CFAP43: variants seen among roughly 807,000 people sequenced by gnomAD.
CFAP43 encodes the protein cilia and flagella associated protein 43, also known as cilia- and flagella-associated protein 43.
CFAP43 carries 155 observed loss-of-function variants against 218.9 expected under a neutral mutation model. The observed-to-expected ratio is 0.71, with a 90% CI of 0.62 to 0.81. The LOEUF is 0.81. Among genes scored for constraint, CFAP43 ranks in the 30% least tolerant of loss-of-function variants. CFAP43 has a pLI of 0.00. For missense variants in CFAP43, 1,778 were observed against 1,954.3 expected (o/e 0.91, Z 1.70); for synonymous variants, 645 against 681.3 (o/e 0.95, Z 0.83).
Position 104,207,655 on chromosome 10 carries a change from A to G in CFAP43, c.895+10T>C. The G allele has an allele frequency of 6.2e-7, 1 of 1,609,090 alleles. No homozygotes were observed. Among genetic ancestry groups the G allele is most frequent in the South Asian group, 1.1e-5 (1 of 90,168 alleles). On this transcript the variant is annotated intron_variant, in intron 6 of 37. Coordinates refer to ENST00000357060, the MANE Select transcript of CFAP43 (RefSeq NM_025145.7). ...GCTATACAGGAATATGAAGTAGGAC[A>G]GTTTCTTACCCAATGGCGATTCCTC... is the stretch of plus-strand genomic sequence containing the variant.
At chr10:104,179,386 A>C (rs1190429756) in intron 18 of CFAP43, among the ~76,000 whole-genome samples, 1 of 152,216 alleles carries the variant, frequency 6.6e-6, no homozygotes, top group Non-Finnish European at 1.5e-5. Flanking sequence ...AAGGAAAACC[A>C]GTATGCACTT....
At chr10:104,132,827 A>G in intron 35 of CFAP43, 4 of 975,502 alleles carry the variant, frequency 4.1e-6, no homozygotes, top group Non-Finnish European at 4.9e-6. Flanking sequence ...TCCTAGTTAA[A>G]GACACTGAGG....
chr10:104,215,378 T>C lies in CFAP43; in HGVS notation c.417-952A>G, dbSNP rs148661855. Among the ~76,000 whole-genome samples, 848 of 152,248 alleles carry C rather than the reference T, an allele frequency of 5.6e-3. 16 individuals carry two copies. The highest frequency in any genetic ancestry group is 0.02 in the African/African-American group (813 of 41,554). Reference sequence around the variant, plus strand: ...TAATATTGATTGAGCTTAGCTTGCCTTTCACTCCCTCCTGCCCTCATCCTT... The same window carrying C: ...TAATATTGATTGAGCTTAGCTTGCCCTTCACTCCCTCCTGCCCTCATCCTT... On this transcript the variant is annotated intron_variant, in intron 3 of 37. Coordinates refer to ENST00000357060, the MANE Select transcript of CFAP43 (RefSeq NM_025145.7).
At chr10:104,224,095 G>C (rs906363001) in intron 3 of CFAP43, among the ~76,000 whole-genome samples, 1 of 152,176 alleles carries the variant, frequency 6.6e-6, no homozygotes, top group Non-Finnish European at 1.5e-5. Context: ...CAAGGCTGGA[G>C]TGCAGTGGCG....
rs2088849004 is a variant in CFAP43, at chr10:104,161,147, C to T, written c.3430G>A (p.Ala1144Thr). ...DILRMVIPQP[A>T]FMAKPDAVWT... is the part of the protein sequence containing the mutation. ...ACAGCATCAGGTTTTGCCATGAAAG[C>T]AGGTTGAGGAATCACCTGAAGATAT... Residue 1144 changes from alanine (A) to threonine (T), a missense_variant, in exon 27 of 38, where the codon GCT (alanine) becomes ACT (threonine). By Grantham distance (58) the Ala-to-Thr change is moderately conservative. Transcript: ENST00000357060. 3 of 1,613,524 alleles carry T rather than the reference C, an allele frequency of 1.9e-6. No individual in the cohort carries two copies. The South Asian group carries it at 3.3e-5, about 18-fold the overall frequency.
At chr10:104,134,458 T>A (rs1361353667) in intron 34 of CFAP43, among the ~76,000 whole-genome samples, 1 of 152,096 alleles carries the variant, frequency 6.6e-6, no homozygotes, top group African/African-American at 2.4e-5. Context: ...AAGTTGGTTC[T>A]TTTAAAAAAT....
At chr10:104,221,862 T>C (rs559443825) in intron 3 of CFAP43, among the ~76,000 whole-genome samples, 3 of 152,170 alleles carry the variant, frequency 2.0e-5, no homozygotes, top group South Asian at 2.1e-4. Context: ...CACTAACCCA[T>C]TGGAAATCTC....
intron 27 of CFAP43, among the ~76,000 whole-genome samples, chr10:104,157,531 G>GA (rs530908899): frequency 6.6e-6 from 1 of 152,002 alleles, no homozygotes; most frequent in African/African-American, 2.4e-5. Context: ...ATAGTTTGGT[G>GA]AAAAAAACAT....
chr10:104,195,321 C>T (rs1292296008), intron 10 of CFAP43, among the ~76,000 whole-genome samples: 1 of 152,146 alleles, frequency 6.6e-6, no homozygotes, highest in African/African-American at 2.4e-5. Context: ...ATTATATGGG[C>T]CCCTGGGTGG....
intron 12 of CFAP43, among the ~76,000 whole-genome samples, chr10:104,190,799 A>G (rs2090185676): frequency 6.6e-6 from 1 of 152,208 alleles, no homozygotes; most frequent in East Asian, 1.9e-4. Context: ...CTGCAGCATG[A>G]GTTTGTGCAT....
chr10:104,221,728 T>C (rs954366319), intron 3 of CFAP43, among the ~76,000 whole-genome samples: 1 of 152,200 alleles, frequency 6.6e-6, no homozygotes, highest in Non-Finnish European at 1.5e-5. Flanking sequence ...TTACATCTTA[T>C]AATCTGTTTG....
chr10:104,197,264 A>G (rs2090407000), intron 9 of CFAP43, among the ~76,000 whole-genome samples: 1 of 152,184 alleles, frequency 6.6e-6, no homozygotes, highest in Non-Finnish European at 1.5e-5. Flanking sequence ...GAAACTATAC[A>G]TTGTTCTTTT....
At chr10:104,141,026 A>G in intron 33 of CFAP43, 25 bp from the exon 34 acceptor site, 1 of 1,588,580 alleles carries the variant, frequency 6.3e-7, no homozygotes, top group African/African-American at 1.3e-5. Flanking sequence ...ACTTCAAAGC[A>G]AGTAGTTGTA....
rs1290754418 is a variant in CFAP43, at chr10:104,133,798, C to T, written c.4432-14G>A. The T allele has an allele frequency of 3.2e-6, 5 of 1,585,668 alleles. No individual in the cohort carries two copies. Among genetic ancestry groups the T allele is most frequent in the Admixed American group, 1.8e-5 (1 of 55,374 alleles). Reference sequence around the variant, plus strand: ...TTGTCCTTGAGTCTTTAAAAAAGTACATTAGATATCCATATAATATGATTC... The same window carrying T: ...TTGTCCTTGAGTCTTTAAAAAAGTATATTAGATATCCATATAATATGATTC... On this transcript the variant is annotated splice_polypyrimidine_tract_variant and intron_variant, in intron 34 of 37. Coordinates refer to ENST00000357060, the MANE Select transcript of CFAP43 (RefSeq NM_025145.7).
intron 19 of CFAP43, among the ~76,000 whole-genome samples, chr10:104,177,066 A>C (rs1041163859): frequency 2.0e-5 from 3 of 152,150 alleles, no homozygotes; most frequent in Non-Finnish European, 4.4e-5. Context: ...GTAATCAGGA[A>C]AATAAAAACA....
In CFAP43 at chr10:104,185,071, G is replaced by T; in HGVS notation, c.2086C>A (p.Gln696Lys). The T allele has an allele frequency of 1.2e-6, 2 of 1,614,058 alleles. No homozygotes were observed. The highest frequency in any genetic ancestry group is 1.7e-6 in the Non-Finnish European group (2 of 1,179,996). The change falls in exon 16 of 38, where the codon CAA becomes AAA. Residue 696 changes from glutamine to lysine, a missense_variant. Transcript: ENST00000357060. ...IQSMRISMDGQNILVNGRDDG... is the reference protein window; with the variant it reads ...IQSMRISMDGKNILVNGRDDG... ...TCTCTCCCATTCACCAGAATGTTTT[G>T]TCCATCCATTGAAATTCTCATTGAC...
At chr10:104,130,424 A>T in intron 37 of CFAP43, 119 bp from the exon 38 acceptor site, 1 of 1,164,944 alleles carries the variant, frequency 8.6e-7, no homozygotes, top group African/African-American at 1.6e-5. Flanking sequence ...ATGCACTTGT[A>T]TGTTTACAGC....
chr10:104,168,018 C>T (rs937388579), intron 21 of CFAP43, among the ~76,000 whole-genome samples: 12 of 152,250 alleles, frequency 7.9e-5, no homozygotes, highest in East Asian at 5.8e-4. Context: ...CTATCCTTTG[C>T]CCCCAAGACA....
chr10:104,204,059 A>G (rs1231093578), intron 7 of CFAP43, among the ~76,000 whole-genome samples: 1 of 151,412 alleles, frequency 6.6e-6, no homozygotes, highest in African/African-American at 2.4e-5. Flanking sequence ...CCTTTTTTTG[A>G]GTTTCTCTAG....
Sources: allele counts gnomAD v4.1 joint callset (sites outside exome capture counted in the v4.1 genomes callset), GRCh38; gene constraint gnomAD v4.1.1; transcripts MANE v1.5; gene names NCBI Gene and HGNC (gene_info 2026-07-23, HGNC 2026-07-21).